The following ZCWPW1 variants were observed in gnomAD, a reference collection of about 807,000 sequenced individuals.
The protein encoded by ZCWPW1 is zinc finger CW-type and PWWP domain containing 1.
In ZCWPW1, 56 loss-of-function variants were observed where a neutral mutation model predicts 81.3. The ratio of observed to expected loss-of-function variants is 0.69; its 90% CI spans 0.56 to 0.86. The LOEUF is 0.86. Ranked by LOEUF, ZCWPW1 falls within the 40% of genes least tolerant of loss-of-function variation. The pLI is 0.00. For synonymous variants in ZCWPW1, 250 were observed against 273.7 expected, an observed-to-expected ratio of 0.91 and a Z score of 0.86; for missense variants, 650 against 769.8, an observed-to-expected ratio of 0.84 and a Z score of 1.84.
At chr7:100,411,989 TGA>T (rs1035186454) in intron 8 of ZCWPW1, among the ~76,000 whole-genome samples, 2 of 152,220 alleles carry the variant, frequency 1.3e-5, no homozygotes, top group African/African-American at 4.8e-5. Flanking sequence ...GGATTTCACT[TGA>T]CCACTCATTC....
intron 15 of ZCWPW1, among the ~76,000 whole-genome samples, chr7:100,403,437 G>A (rs1302350349): frequency 4.6e-5 from 7 of 151,918 alleles, no homozygotes; most frequent in African/African-American, 1.7e-4. Flanking sequence ...GGATGGTCTC[G>A]ATCTCCTGAC....
chr7:100,419,920 TAC>T (rs754579600), intron 3 of ZCWPW1, 37 bp from the exon 4 acceptor site: 15 of 1,501,352 alleles, frequency 1.0e-5, no homozygotes, highest in South Asian at 1.3e-5. Context: ...TTATGAAACA[TAC>T]AGTCTAACAG....
chr7:100,420,504 A>C, intron 3 of ZCWPW1, 118 bp downstream of exon 3: 1 of 1,192,384 alleles, frequency 8.4e-7, no homozygotes, highest in South Asian at 1.3e-5. Flanking sequence ...CAGAGCAGTA[A>C]TTTGACCTGA....
intron 8 of ZCWPW1, among the ~76,000 whole-genome samples, chr7:100,409,747 C>T (rs775769426): frequency 1.5e-4 from 23 of 152,148 alleles, no homozygotes; most frequent in Non-Finnish European, 2.1e-4. Context: ...GCTAACTTGG[C>T]GATAGAGCTG....
At chr7:100,422,405 A>G (rs1796520837) in intron 2 of ZCWPW1, among the ~76,000 whole-genome samples, 1 of 152,226 alleles carries the variant, frequency 6.6e-6, no homozygotes, top group Admixed American at 6.5e-5. Context: ...GCCATAGGCA[A>G]CTGAAGAGTC....
chr7:100,427,421 C>T (rs931425378), intron 1 of ZCWPW1, among the ~76,000 whole-genome samples: 34 of 150,970 alleles, frequency 2.3e-4, no homozygotes, highest in Admixed American at 1.1e-3. Flanking sequence ...AAAAATCAGC[C>T]GAGCACGGTG....
chr7:100,421,616 G>C (rs1468763617), intron 2 of ZCWPW1, among the ~76,000 whole-genome samples: 1 of 152,136 alleles, frequency 6.6e-6, no homozygotes, highest in African/African-American at 2.4e-5. Flanking sequence ...ACCTAATAAT[G>C]AGAAATTAAA....
intron 1 of ZCWPW1, among the ~76,000 whole-genome samples, chr7:100,428,277 G>A (rs1399822043): frequency 2.6e-5 from 4 of 152,064 alleles, no homozygotes; most frequent in Admixed American, 1.3e-4. Context: ...GACGCCCTGA[G>A]CACTAGCTCC....
chr7:100,425,896 C>G (rs1027508874), intron 1 of ZCWPW1, among the ~76,000 whole-genome samples: 8 of 152,106 alleles, frequency 5.3e-5, no homozygotes, highest in African/African-American at 1.9e-4. Context: ...TCAACAGATA[C>G]AAACCAAATA....
chr7:100,401,188 GTGT>G lies in ZCWPW1; in HGVS notation c.1773_1775del (p.Arg591_His592delinsSer), dbSNP rs1399366031. 1.2e-6 allele frequency: 2 copies of G among 1,614,130 alleles called. No homozygotes were observed. Among genetic ancestry groups the G allele is most frequent in the African/African-American group, 2.7e-5 (2 of 74,948 alleles). On this transcript the variant is annotated inframe_deletion, in exon 18 of 18. Coordinates refer to ENST00000684423, the MANE Select transcript of ZCWPW1 (RefSeq NM_001386010.1). ...CAGCCTCCTGGGTCAGGGGTTCCCG[GTGT>G]CTGGGCTCTTCTTTCGCAGATGAGG...
intron 9 of ZCWPW1, 105 bp from the exon 10 acceptor site, chr7:100,408,764 G>A (rs985094219): frequency 7.1e-7 from 1 of 1,417,526 alleles, no homozygotes. Flanking sequence ...ATATGCAGCA[G>A]GTGGGACCAA....
intron 16 of ZCWPW1, 63 bp from the exon 17 acceptor site, chr7:100,402,104 A>G: frequency 1.9e-6 from 3 of 1,540,276 alleles, no homozygotes; most frequent in South Asian, 1.2e-5. Flanking sequence ...GCAGATGGAC[A>G]CTGCACATTG....
chr7:100,416,510 T>C, intron 6 of ZCWPW1, 54 bp from the exon 7 acceptor site: 7 of 1,586,326 alleles, frequency 4.4e-6, no homozygotes, highest in Non-Finnish European at 6.0e-6. Context: ...ATTGCAGAAC[T>C]CTTCTTCTGA....
chr7:100,408,534 C>A lies in ZCWPW1; in HGVS notation c.992+5G>T. The A allele has an allele frequency of 6.2e-7, 1 of 1,612,236 alleles. No individual in the cohort carries two copies. Among genetic ancestry groups the A allele is most frequent in the Non-Finnish European group, 8.5e-7 (1 of 1,179,242 alleles). ...GGATGCTCTGACTGTGTCATAATGC[C>A]CTACCAGGGGTAACCGTATTGCTTG... On this transcript the variant is annotated splice_donor_5th_base_variant and intron_variant, in intron 10 of 17. Transcript: ENST00000684423.
Position 100,419,751 on chromosome 7 carries a change from C to A in ZCWPW1, c.161G>T (p.Ser54Ile). 6.2e-7 allele frequency: 1 copy of A among 1,614,128 alleles called. No homozygotes were observed. Among genetic ancestry groups the A allele is most frequent in the East Asian group, 2.2e-5 (1 of 44,874 alleles). The change falls in exon 4 of 18, where the codon AGC (serine) becomes ATC (isoleucine). Residue 54 changes from serine (S) to isoleucine (I), a missense_variant. By Grantham distance (142) the Ser-to-Ile change is moderately radical (BLOSUM62 -2). Transcript: ENST00000684423. ...CTTCTTTAAACTGGCCTTTGGCAGG[C>A]TTATCCTGGCCTCTGTCTCTGGGGA... ...ISSPETEARI[S>I]LPKASLKKKE...
chr7:100,424,637 T>C (rs1171261824), intron 2 of ZCWPW1, among the ~76,000 whole-genome samples: 1 of 151,916 alleles, frequency 6.6e-6, no homozygotes, highest in Non-Finnish European at 1.5e-5. Flanking sequence ...AATTTTCGTA[T>C]TTTTAGTAGA....
intron 17 of ZCWPW1, among the ~76,000 whole-genome samples, 190 bp downstream of exon 17, chr7:100,401,699 C>T (rs1791934452): frequency 6.6e-6 from 1 of 152,176 alleles, no homozygotes; most frequent in South Asian, 2.1e-4. Context: ...GCCCCTGGGC[C>T]AAATCAAATC....
At chr7:100,417,231 C>G (rs1795443961) in intron 5 of ZCWPW1, 48 bp from the exon 6 acceptor site, 1 of 1,467,544 alleles carries the variant, frequency 6.8e-7, no homozygotes, top group Admixed American at 1.7e-5. Context: ...AACGAAAAAG[C>G]CACTCTATTA....
chr7:100,405,952 G>A (rs1457579643), intron 12 of ZCWPW1, among the ~76,000 whole-genome samples: 1 of 152,136 alleles, frequency 6.6e-6, no homozygotes, highest in African/African-American at 2.4e-5. Context: ...CAACATTTTG[G>A]TGTCCTCTCC....
Sources: allele counts gnomAD v4.1 joint callset (sites outside exome capture counted in the v4.1 genomes callset), GRCh38; gene constraint gnomAD v4.1.1; transcripts MANE v1.5; gene names NCBI Gene and HGNC (gene_info 2026-07-23, HGNC 2026-07-21).